ACSBG2: variants seen among roughly 807,000 people sequenced by gnomAD.
The protein encoded by ACSBG2 is long-chain-fatty-acid--CoA ligase ACSBG2.
Under a neutral mutation model 74.7 loss-of-function variants are expected in ACSBG2, and 62 were observed. The observed-to-expected ratio is 0.83, with a 90% CI of 0.68 to 1.03. ACSBG2 has a LOEUF of 1.03. ACSBG2 is among the 50% of genes least tolerant of loss of function. The pLI, the probability that ACSBG2 is intolerant of heterozygous loss-of-function variation, is 0.00. For missense variants in ACSBG2, 730 were observed against 817.6 expected (o/e 0.89, Z 1.31); for synonymous variants, 309 against 294.1 (o/e 1.05, Z -0.52).
At position 6,187,314 on chromosome 19, in the gene ACSBG2, G is replaced by T. The variant is rs754527286; in HGVS notation, c.1572G>T (p.Val524=). 33 of 1,614,002 alleles carry T rather than the reference G, an allele frequency of 2.0e-5. No individual in the cohort carries two copies. The highest frequency in any genetic ancestry group is 2.7e-5 in the Non-Finnish European group (32 of 1,180,046). Residue 524 remains valine (V), a synonymous_variant, in exon 12 of 15, where the codon GTG becomes GTT. Coordinates refer to ENST00000588485, the MANE Select transcript of ACSBG2 (RefSeq NM_030924.5). ...EILITAGGEN[V]PPIPVETLVK... ...TTATCACTGCTGGTGGTGAAAATGTGCCCCCCATTCCTGTTGAGACCTTGG... is the reference window on the plus strand; with the variant it reads ...TTATCACTGCTGGTGGTGAAAATGTTCCCCCCATTCCTGTTGAGACCTTGG...
At position 6,174,523 on chromosome 19, in the gene ACSBG2, A is replaced by G. The variant is rs924143805; in HGVS notation, c.739-2706A>G. Among the ~76,000 whole-genome samples the G allele has an allele frequency of 8.6e-5, 13 of 151,634 alleles. No individual in the cohort carries two copies. The highest frequency in any genetic ancestry group is 8.6e-4 in the Admixed American group (13 of 15,204). ...TGTCAAGGATAGCTATTAATATTGT[A>G]TTTGGCTGGGTGCAGTGGCTTATGT... On this transcript the variant is annotated intron_variant, in intron 7 of 14. Coordinates refer to ENST00000588485, the MANE Select transcript of ACSBG2 (RefSeq NM_030924.5). The surrounding 1 kb of genome is among the most constrained non-coding windows in gnomAD (Gnocchi z 4.2).
At chr19:6,140,723 G>A (rs11669301) in intron 1 of ACSBG2, among the ~76,000 whole-genome samples, 90,133 of 151,594 alleles carry the variant, frequency 0.59, 27,749 homozygotes, top group Admixed American at 0.68. Context: ...TTCGAAAGAG[G>A]TGGCATTGAT....
intron 4 of ACSBG2, among the ~76,000 whole-genome samples, chr19:6,152,882 T>C (rs1307433233): frequency 2.6e-5 from 4 of 152,172 alleles, no homozygotes; most frequent in Non-Finnish European, 5.9e-5. Flanking sequence ...TTAAGCATTT[T>C]TGATGTCAGA....
intron 2 of ACSBG2, among the ~76,000 whole-genome samples, chr19:6,142,180 T>C (rs767313478): frequency 2.6e-5 from 4 of 152,146 alleles, no homozygotes; most frequent in Non-Finnish European, 2.9e-5. Context: ...ATGGGGGCAT[T>C]GATAACAGCA....
intron 7 of ACSBG2, among the ~76,000 whole-genome samples, chr19:6,167,340 G>A (rs924070449): frequency 6.6e-6 from 1 of 152,148 alleles, no homozygotes; most frequent in African/African-American, 2.4e-5. Context: ...AATGGGGAGA[G>A]TAGAGGGCCC....
chr19:6,187,539 G>C, intron 12 of ACSBG2, 60 bp from the exon 13 acceptor site: 1 of 1,607,880 alleles, frequency 6.2e-7, no homozygotes, highest in African/African-American at 1.3e-5. Flanking sequence ...CTTGGTCTGT[G>C]GGCCTGGGGA....
At chr19:6,155,996 T>C (rs1035483487) in intron 4 of ACSBG2, among the ~76,000 whole-genome samples, 7 of 150,056 alleles carry the variant, frequency 4.7e-5, no homozygotes, top group Non-Finnish European at 8.9e-5. Context: ...AAAAGGCACA[T>C]GTAAAGGTGC....
intron 7 of ACSBG2, chr19:6,175,787 T>A (rs1181432608): frequency 2.0e-5 from 3 of 152,160 alleles, no homozygotes; most frequent in Admixed American, 2.0e-4. Context: ...GAAAGAAAAA[T>A]GCTAATAATG....
intron 3 of ACSBG2, 80 bp from the exon 4 acceptor site, chr19:6,151,627 T>A: frequency 7.2e-7 from 1 of 1,393,808 alleles, no homozygotes; most frequent in Non-Finnish European, 9.9e-7. Flanking sequence ...TGACTACCTT[T>A]GATTCTGTCG....
chr19:6,147,846 C>T (rs1054502817), intron 3 of ACSBG2, among the ~76,000 whole-genome samples, 171 bp downstream of exon 3: 6 of 151,982 alleles, frequency 3.9e-5, no homozygotes, highest in South Asian at 2.1e-4. Context: ...TCTGTGGAAG[C>T]GGTCACCATT....
intron 1 of ACSBG2, among the ~76,000 whole-genome samples, chr19:6,138,297 T>C (rs1012143412): frequency 1.2e-4 from 19 of 152,056 alleles, no homozygotes; most frequent in African/African-American, 2.9e-4. Context: ...CTTGTTTGAA[T>C]TGAGATCTAG....
chr19:6,182,586 A>T (rs2090289753), intron 8 of ACSBG2, among the ~76,000 whole-genome samples, 165 bp from the exon 9 acceptor site: 1 of 152,178 alleles, frequency 6.6e-6, no homozygotes, highest in South Asian at 2.1e-4. Flanking sequence ...CAAAAATCTG[A>T]CTGGCCAACC....
At chr19:6,142,168 T>C (rs1259417999) in intron 2 of ACSBG2, among the ~76,000 whole-genome samples, 2 of 152,108 alleles carry the variant, frequency 1.3e-5, no homozygotes, top group East Asian at 3.9e-4. Context: ...CATATCTGAA[T>C]GATGGGGGCA....
intron 2 of ACSBG2, among the ~76,000 whole-genome samples, chr19:6,141,941 G>A (rs1461426092): frequency 1.3e-5 from 2 of 152,110 alleles, no homozygotes; most frequent in African/African-American, 4.8e-5. Flanking sequence ...ATGTTCCCCA[G>A]GCTGGTCTTG....
At chr19:6,160,871 G>A (rs569688968) in intron 5 of ACSBG2, 8 of 173,224 alleles carry the variant, frequency 4.6e-5, no homozygotes, top group South Asian at 3.9e-4. Context: ...AGGCCGAGGC[G>A]GGGGGATCAC....
chr19:6,180,156 T>G lies in ACSBG2; in HGVS notation c.907-2595T>G, dbSNP rs188846366. ...CTGTGATGACATTGGGCCACCCAGATCATCCAGGATGATCTCCCATCTCAA... is the reference window on the plus strand; with the variant it reads ...CTGTGATGACATTGGGCCACCCAGAGCATCCAGGATGATCTCCCATCTCAA... On this transcript the variant is annotated intron_variant, in intron 8 of 14. Coordinates refer to ENST00000588485, the MANE Select transcript of ACSBG2 (RefSeq NM_030924.5). The surrounding 1 kb of genome is among the most constrained non-coding windows in gnomAD (Gnocchi z 4.3). Among the ~76,000 whole-genome samples the G allele has an allele frequency of 5.3e-5, 8 of 152,100 alleles. No individual in the cohort carries two copies. The highest frequency in any genetic ancestry group is 8.8e-5 in the Non-Finnish European group (6 of 68,022).
chr19:6,141,659 C>A, intron 2 of ACSBG2, 49 bp downstream of exon 2: 1 of 1,212,184 alleles, frequency 8.2e-7, no homozygotes, highest in Non-Finnish European at 1.2e-6. Flanking sequence ...ACATTGATTC[C>A]ACAAAGGCTC....
At chr19:6,190,347 A>G in intron 13 of ACSBG2, 2 of 489,270 alleles carry the variant, frequency 4.1e-6, no homozygotes, top group East Asian at 3.8e-5. Flanking sequence ...CACATCAGGC[A>G]CAGAATGCAC....
rs2090297013 is a variant in ACSBG2, at chr19:6,182,815, G to T, written c.971G>T (p.Trp324Leu). The change falls in exon 9 of 15, where the codon TGG becomes TTG. Residue 324 changes from tryptophan (W) to leucine (L), a missense_variant. Trp to Leu is a moderately conservative substitution (Grantham distance 61). Transcript: ENST00000588485. ...GTCTTCATTGGAGTGCCTCAAATTT[G>T]GGAGAAGATACATGAGATGGTGAAG... ...PTVFIGVPQIWEKIHEMVKKN... is the reference protein window; with the variant it reads ...PTVFIGVPQILEKIHEMVKKN... The T allele has an allele frequency of 1.2e-6, 2 of 1,614,134 alleles. No homozygotes were observed. The highest frequency in any genetic ancestry group is 1.1e-5 in the South Asian group (1 of 91,068).
Sources: gnomAD v4.1 joint callset for allele counts (sites outside exome capture counted in the v4.1 genomes callset) on GRCh38, gnomAD v4.1.1 for gene constraint, Gnocchi (gnomAD v3.1) non-coding constraint, MANE v1.5 for transcripts, NCBI Gene and HGNC (gene_info 2026-07-23, HGNC 2026-07-21) for gene names.